Variants in NUDT4 observed in about 807,000 individuals in gnomAD.
The protein encoded by NUDT4 is nudix hydrolase 4.
In NUDT4, 5 loss-of-function variants were observed where a neutral mutation model predicts 23.1. That is an observed-to-expected ratio of 0.22 (90% confidence interval 0.11 to 0.46). NUDT4 has a LOEUF of 0.46. Ranked by LOEUF, NUDT4 falls within the 20% of genes least tolerant of loss-of-function variation. The pLI, the probability that NUDT4 is intolerant of heterozygous loss-of-function variation, is 0.99. For missense variants in NUDT4, 96 were observed against 211.6 expected (o/e 0.45, Z 3.39); for synonymous variants, 50 against 79.0 (o/e 0.63, Z 1.95).
intron 1 of NUDT4, among the ~76,000 whole-genome samples, chr12:93,382,229 A>AGG (rs1308511157): frequency 6.8e-6 from 1 of 147,024 alleles, no homozygotes; most frequent in Non-Finnish European, 1.5e-5. Context: ...ATGCCATTGC[A>AGG]CTCCAGCCTG....
chr12:93,386,266 C>T (rs536241330), intron 1 of NUDT4, among the ~76,000 whole-genome samples: 27 of 152,086 alleles, frequency 1.8e-4, no homozygotes, highest in South Asian at 4.1e-4. Flanking sequence ...AGCCATTGTG[C>T]CTGGCCTATA....
intron 1 of NUDT4, among the ~76,000 whole-genome samples, chr12:93,385,446 T>A (rs1261856414): frequency 6.6e-6 from 1 of 152,220 alleles, no homozygotes; most frequent in Non-Finnish European, 1.5e-5. Context: ...TTCATCTCTG[T>A]CATCGCTAAT....
intron 1 of NUDT4, among the ~76,000 whole-genome samples, chr12:93,384,604 A>G (rs1004320009): frequency 2.6e-5 from 4 of 152,326 alleles, no homozygotes; most frequent in Non-Finnish European, 5.9e-5. Flanking sequence ...ATATTTTAAG[A>G]AAGTTTACAA....
rs1014716368 is a variant in NUDT4 at position 93,406,354 on chromosome 12, C to G, written c.*6975C>G. The G allele has an allele frequency of 6.8e-6, 1 of 147,710 alleles. No individual in the cohort carries two copies. Among genetic ancestry groups the G allele is most frequent in the African/African-American group, 2.5e-5 (1 of 39,926 alleles). The allele number at this position is 147,710 out of a possible 1,614,324, so 9.1% of individuals were successfully genotyped here. ...AAATGAGGCCTATTCCTATCATTTC[C>G]TCGATCCAATTTAGTTCCACTTAGG... On this transcript the variant is annotated 3_prime_UTR_variant, in exon 5 of 5. Transcript: ENST00000415493.
chr12:93,396,889 G>C lies in NUDT4; in HGVS notation c.255+1356G>C, dbSNP rs962448533. Reference sequence around the variant, plus strand: ...ATCTCAAAAAACAAAGAGAAAAGTCGTTCAAGTAGAATTCAGTCTTTTCCA... The same window carrying C: ...ATCTCAAAAAACAAAGAGAAAAGTCCTTCAAGTAGAATTCAGTCTTTTCCA... On this transcript the variant is annotated intron_variant, in intron 3 of 4. Coordinates refer to ENST00000415493, the MANE Select transcript of NUDT4 (RefSeq NM_019094.6). 2.6e-5 allele frequency among the ~76,000 whole-genome samples: 4 copies of C among 152,250 alleles called. 1 individual carries two copies. Among genetic ancestry groups the C allele is most frequent in the East Asian group, 1.9e-4 (1 of 5,184 alleles).
At chr12:93,393,401 C>A (rs1876703386) in intron 1 of NUDT4, among the ~76,000 whole-genome samples, 1 of 152,094 alleles carries the variant, frequency 6.6e-6, no homozygotes. Flanking sequence ...CCACGCCCGG[C>A]CACATTTCAA....
chr12:93,394,162 C>T (rs529982132), intron 1 of NUDT4, among the ~76,000 whole-genome samples: 72 of 152,008 alleles, frequency 4.7e-4, no homozygotes, highest in African/African-American at 1.7e-3. Context: ...GCCACCATGC[C>T]TGGCTAATTT....
Position 93,404,248 on chromosome 12 carries a change from C to T in NUDT4, c.*4869C>T, listed in dbSNP as rs969780241. 1 of 152,026 alleles carries T rather than the reference C, an allele frequency of 6.6e-6. No individual in the cohort carries two copies. Among genetic ancestry groups the T allele is most frequent in the South Asian group, 2.1e-4 (1 of 4,814 alleles). The allele number at this position is 152,026 out of a possible 1,614,324, so 9.4% of individuals were successfully genotyped here. A position where few individuals can be genotyped will look rare whatever the true frequency, so the allele number is the denominator to read the frequency against. ...CGGGAATGTGGACAAAGACATATACCAAGACAAGGCACTAGAGTGAAAAGC... is the reference window on the plus strand; with the variant it reads ...CGGGAATGTGGACAAAGACATATACTAAGACAAGGCACTAGAGTGAAAAGC... On this transcript the variant is annotated 3_prime_UTR_variant, in exon 5 of 5. Transcript: ENST00000415493.
intron 4 of NUDT4, 55 bp from the exon 5 acceptor site, chr12:93,399,122 A>T: frequency 7.6e-7 from 1 of 1,321,944 alleles, no homozygotes; most frequent in Non-Finnish European, 1.1e-6. Flanking sequence ...CATTACTTAT[A>T]TGGCTTACTT....
intron 1 of NUDT4, among the ~76,000 whole-genome samples, chr12:93,389,562 A>T (rs1876336337): frequency 2.6e-5 from 4 of 152,192 alleles, no homozygotes; most frequent in African/African-American, 9.7e-5. Context: ...TTTTTGGAAG[A>T]AAAGTTTAGT....
At chr12:93,394,787 T>A in intron 2 of NUDT4, 68 bp downstream of exon 2, 2 of 910,584 alleles carry the variant, frequency 2.2e-6, no homozygotes, top group Non-Finnish European at 3.6e-6. Flanking sequence ...TACATAACAC[T>A]AAGACAGCGA....
At chr12:93,378,711 G>T in intron 1 of NUDT4, 1 of 1,117,550 alleles carries the variant, frequency 8.9e-7, no homozygotes, top group Admixed American at 5.0e-5. Flanking sequence ...TCGCCTAGCG[G>T]GAGTCACCAT....
intron 3 of NUDT4, among the ~76,000 whole-genome samples, chr12:93,398,304 G>C (rs1299853565): frequency 3.0e-5 from 4 of 135,024 alleles, no homozygotes; most frequent in Non-Finnish European, 4.6e-5. Flanking sequence ...TCACGCCACT[G>C]TACTCCTGGG....
At chr12:93,386,072 C>T (rs1876069634) in intron 1 of NUDT4, among the ~76,000 whole-genome samples, 1 of 151,018 alleles carries the variant, frequency 6.6e-6, no homozygotes, top group Non-Finnish European at 1.5e-5. Flanking sequence ...ACTTCCCAGG[C>T]TCAGATGATT....
rs1178195816 is a variant in NUDT4 at position 93,377,935 on chromosome 12, G to A, written c.-388G>A. ...GAGGGGGCGGCGCGCGGTCGCCGCG[G>A]TGCTGCTGCTCAGTGGGAGCGGGTC... On this transcript the variant is annotated 5_prime_UTR_variant, in exon 1 of 5. In the 5' UTR this introduces an upstream ATG that the reference lacks. Coordinates refer to ENST00000415493, the MANE Select transcript of NUDT4 (RefSeq NM_019094.6). The A allele has an allele frequency of 6.3e-6, 2 of 315,572 alleles. No homozygotes were observed. The highest frequency in any genetic ancestry group is 4.5e-5 in the African/African-American group (2 of 44,668). 19.5% of individuals were successfully genotyped at this position (315,572 alleles called of 1,614,324 possible).
chr12:93,403,810 C>A lies in NUDT4; in HGVS notation c.*4431C>A, dbSNP rs561707105. The A allele has an allele frequency of 1.3e-5, 2 of 152,184 alleles. No homozygotes were observed. The highest frequency in any genetic ancestry group is 4.8e-5 in the African/African-American group (2 of 41,432). The allele number at this position is 152,184 out of a possible 1,614,324, so 9.4% of individuals were successfully genotyped here. On this transcript the variant is annotated 3_prime_UTR_variant, in exon 5 of 5. Transcript: ENST00000415493. ...ATCTATCGCTGGTGCTACTTTAATA[C>A]CTTCCTGACTGGTGCCACTGGCTAA...
intron 4 of NUDT4, 31 bp from the exon 5 acceptor site, chr12:93,399,146 G>C: frequency 3.3e-6 from 5 of 1,538,216 alleles, no homozygotes; most frequent in Non-Finnish European, 4.5e-6. Context: ...AAAATGGACT[G>C]TCTTGTAACC....
chr12:93,389,385 T>C (rs901257318), intron 1 of NUDT4, among the ~76,000 whole-genome samples: 5 of 151,970 alleles, frequency 3.3e-5, no homozygotes, highest in African/African-American at 1.2e-4. Flanking sequence ...GGCAGGAGAA[T>C]CGCTTGAACC....
intron 2 of NUDT4, among the ~76,000 whole-genome samples, chr12:93,395,030 G>C (rs1252500001): frequency 6.6e-6 from 1 of 151,982 alleles, no homozygotes; most frequent in Non-Finnish European, 1.5e-5. Context: ...TGTATTTTTA[G>C]TAGAGACAGG....
Sources: allele counts gnomAD v4.1 joint callset (sites outside exome capture counted in the v4.1 genomes callset), GRCh38; gene constraint gnomAD v4.1.1; transcripts MANE v1.5; gene names NCBI Gene and HGNC (gene_info 2026-07-23, HGNC 2026-07-21).